The following VOPP1 variants were observed in gnomAD, a reference collection of about 807,000 sequenced individuals.
VOPP1 encodes the protein VOPP1 WW domain binding protein, also known as WW domain binding protein VOPP1.
A neutral mutation model predicts 23.5 loss-of-function variants in VOPP1; 8 were observed. The ratio of observed to expected loss-of-function variants is 0.34; its 90% CI spans 0.20 to 0.61. The LOEUF is 0.61. Among genes scored for constraint, VOPP1 ranks in the 20% least tolerant of loss-of-function variants. The pLI is 0.78. For missense variants in VOPP1, 174 were observed against 238.1 expected (o/e 0.73, Z 1.77); for synonymous variants, 83 against 97.3 (o/e 0.85, Z 0.86).
intron 4 of VOPP1, among the ~76,000 whole-genome samples, chr7:55,454,965 GAAAGAAAT>G (rs1210366049): frequency 6.6e-6 from 1 of 152,162 alleles, no homozygotes. Flanking sequence ...TCAGGCAAGA[GAAAGAAAT>G]AAAGAAATAA....
intron 2 of VOPP1, among the ~76,000 whole-genome samples, chr7:55,499,472 T>C (rs867960435): frequency 6.6e-6 from 1 of 152,192 alleles, no homozygotes; most frequent in African/African-American, 2.4e-5. Flanking sequence ...GCTCTGTGCT[T>C]TCCTGAGGGT....
In VOPP1 at chr7:55,572,444, G is replaced by A. The variant is rs1211675989; in HGVS notation, c.-120C>T. Reference sequence around the variant, plus strand: ...CGGGAGCCGTCCCGCCGACCGCTGGGGGGCCCGGCTGGGAGCGGGCGGGAG... The same window carrying A: ...CGGGAGCCGTCCCGCCGACCGCTGGAGGGCCCGGCTGGGAGCGGGCGGGAG... On this transcript the variant is annotated 5_prime_UTR_variant, in exon 1 of 5. Transcript: ENST00000285279. 1.4e-6 allele frequency: 1 copy of A among 709,464 alleles called. No homozygotes were observed. The highest frequency in any genetic ancestry group is 1.8e-6 in the Non-Finnish European group (1 of 567,234). The allele number at this position is 709,464 out of a possible 1,614,324, so 43.9% of individuals were successfully genotyped here. A position where few individuals can be genotyped will look rare whatever the true frequency, so the allele number is the denominator to read the frequency against.
chr7:55,556,894 C>G (rs191303518), intron 1 of VOPP1, among the ~76,000 whole-genome samples: 32 of 152,202 alleles, frequency 2.1e-4, no homozygotes, highest in Admixed American at 1.1e-3. Context: ...CTATTACACC[C>G]TCTGTTAAGA....
At chr7:55,497,054 C>A (rs1794003282) in intron 3 of VOPP1, among the ~76,000 whole-genome samples, 1 of 152,214 alleles carries the variant, frequency 6.6e-6, no homozygotes, top group Non-Finnish European at 1.5e-5. Context: ...CCACAGGAGG[C>A]TCCCCCCATG....
chr7:55,557,969 C>T (rs892147670), intron 1 of VOPP1, among the ~76,000 whole-genome samples: 5 of 152,096 alleles, frequency 3.3e-5, no homozygotes, highest in East Asian at 1.9e-4. Flanking sequence ...AATCAATATG[C>T]GGTTTAGTAA....
chr7:55,532,518 T>C (rs1796552995), intron 1 of VOPP1, among the ~76,000 whole-genome samples: 1 of 152,276 alleles, frequency 6.6e-6, no homozygotes, highest in Non-Finnish European at 1.5e-5. Context: ...TAACATTCTC[T>C]ACAACGTACT....
At chr7:55,515,561 T>C (rs1468047797) in intron 2 of VOPP1, among the ~76,000 whole-genome samples, 1 of 152,242 alleles carries the variant, frequency 6.6e-6, no homozygotes, top group Non-Finnish European at 1.5e-5. Flanking sequence ...GTATCTCACA[T>C]GCACAGTAGT....
intron 1 of VOPP1, among the ~76,000 whole-genome samples, chr7:55,541,141 A>G (rs1454534975): frequency 1.3e-5 from 2 of 152,246 alleles, no homozygotes; most frequent in Non-Finnish European, 2.9e-5. Context: ...TAGTGGGTAC[A>G]GGGTTTCTTT....
At chr7:55,501,121 T>G (rs1424592329) in intron 2 of VOPP1, among the ~76,000 whole-genome samples, 1 of 152,256 alleles carries the variant, frequency 6.6e-6, no homozygotes, top group Non-Finnish European at 1.5e-5. Context: ...TGCATGGTTC[T>G]TTGTTCAGCT....
chr7:55,441,265 C>T (rs1285301030), intron 4 of VOPP1, among the ~76,000 whole-genome samples: 1 of 152,138 alleles, frequency 6.6e-6, no homozygotes, highest in East Asian at 1.9e-4. Context: ...GTGGGAACTG[C>T]CATGGCCTAT....
chr7:55,485,857 G>A (rs1224628806), intron 4 of VOPP1, among the ~76,000 whole-genome samples: 2 of 152,228 alleles, frequency 1.3e-5, no homozygotes, highest in African/African-American at 4.8e-5. Context: ...AGGGCCGGAC[G>A]CAGCCATTTC....
chr7:55,518,053 C>T (rs533982421), intron 2 of VOPP1, among the ~76,000 whole-genome samples: 183 of 152,320 alleles, frequency 1.2e-3, no homozygotes, highest in Non-Finnish European at 2.3e-3. Context: ...GCACTAATCT[C>T]ATGAGCATAT....
At chr7:55,436,422 T>C (rs712821) in intron 4 of VOPP1, among the ~76,000 whole-genome samples, 110,606 of 152,100 alleles carry the variant, frequency 0.73, 40,732 homozygotes, top group African/African-American at 0.83. Flanking sequence ...CTCTAGTCCG[T>C]GTAAGTGCTC....
intron 1 of VOPP1, among the ~76,000 whole-genome samples, chr7:55,562,272 C>G (rs2129056403): frequency 1.3e-5 from 2 of 152,222 alleles, no homozygotes; most frequent in African/African-American, 4.8e-5. Context: ...GACACAGGCC[C>G]TGGTCCGGAT....
chr7:55,553,090 C>T (rs1797677157), intron 1 of VOPP1, among the ~76,000 whole-genome samples: 2 of 152,204 alleles, frequency 1.3e-5, no homozygotes, highest in Admixed American at 1.3e-4. Flanking sequence ...GACTGTCAAT[C>T]TTCCTAAAAT....
intron 1 of VOPP1, chr7:55,537,529 C>A (rs1399251908): frequency 4.6e-6 from 7 of 1,536,100 alleles, no homozygotes; most frequent in Non-Finnish European, 6.1e-6. Context: ...CCTTCGCATT[C>A]TGTTAGGCGC....
Position 55,561,623 on chromosome 7 carries a change from G to T in VOPP1, c.54+10648C>A, listed in dbSNP as rs568721546. On this transcript the variant is annotated intron_variant, in intron 1 of 4. Transcript: ENST00000285279. ...CTCAGGAGGCCAAGGCAGGAGAGGG[G>T]GAGGCGGAGGTTGCAGTGAGCCAAG... Among the ~76,000 whole-genome samples, 8 of 151,878 alleles carry T rather than the reference G, an allele frequency of 5.3e-5. No homozygotes were observed. In the East Asian group the frequency reaches 1.4e-3, roughly 26 times the overall value.
intron 1 of VOPP1, among the ~76,000 whole-genome samples, chr7:55,535,173 C>T (rs1216046102): frequency 2.6e-5 from 4 of 152,196 alleles, no homozygotes; most frequent in Non-Finnish European, 5.9e-5. Flanking sequence ...AGGGCTCTGT[C>T]ATAGAGAATA....
chr7:55,463,745 A>G (rs1177480927), intron 4 of VOPP1, among the ~76,000 whole-genome samples: 1 of 152,114 alleles, frequency 6.6e-6, no homozygotes, highest in African/African-American at 2.4e-5. Context: ...GGTGGGGTGG[A>G]TTGATCCCCA....
Sources: gnomAD v4.1 joint callset for allele counts (sites outside exome capture counted in the v4.1 genomes callset) on GRCh38, gnomAD v4.1.1 for gene constraint, MANE v1.5 for transcripts, NCBI Gene and HGNC (gene_info 2026-07-23, HGNC 2026-07-21) for gene names.